The following CDKL4 variants were observed in gnomAD, a reference collection of about 807,000 sequenced individuals.
CDKL4 encodes the protein cyclin-dependent kinase-like 4.
A neutral mutation model predicts 42.0 loss-of-function variants in CDKL4; 44 were observed. The observed-to-expected ratio is 1.05, with a 90% confidence interval of 0.82 to 1.35. The LOEUF is 1.35. CDKL4 is among the 40% of genes most tolerant of loss of function. The pLI is 0.00. For missense variants in CDKL4, 393 were observed against 369.9 expected (o/e 1.06, Z -0.51); for synonymous variants, 120 against 121.6 (o/e 0.99, Z 0.09).
chr2:39,186,288 G>T (rs777646970), intron 7 of CDKL4, among the ~76,000 whole-genome samples: 42 of 152,048 alleles, frequency 2.8e-4, no homozygotes, highest in Non-Finnish European at 2.8e-4. Context: ...AATGAACAGG[G>T]TGTCTAGAGA....
chr2:39,233,983 G>A (rs1340169917), intron 1 of CDKL4, among the ~76,000 whole-genome samples: 9 of 148,018 alleles, frequency 6.1e-5, no homozygotes, highest in African/African-American at 2.3e-4. Context: ...GCACGATCTC[G>A]GCTCACTGCA....
At chr2:39,188,939 A>G (rs1309499222) in intron 6 of CDKL4, among the ~76,000 whole-genome samples, 1 of 152,206 alleles carries the variant, frequency 6.6e-6, no homozygotes, top group Non-Finnish European at 1.5e-5. Flanking sequence ...CCATTGTGCC[A>G]ATGAGGAAAA....
intron 4 of CDKL4, among the ~76,000 whole-genome samples, chr2:39,205,447 C>T (rs1337013958): frequency 6.6e-6 from 1 of 151,898 alleles, no homozygotes; most frequent in African/African-American, 2.4e-5. Flanking sequence ...TCATCCAAAT[C>T]AGGAGACTTC....
At chr2:39,193,406 G>A (rs905097722) in intron 5 of CDKL4, among the ~76,000 whole-genome samples, 4 of 149,744 alleles carry the variant, frequency 2.7e-5, no homozygotes, top group African/African-American at 7.4e-5. Context: ...ATGGAGTTTC[G>A]CTCTTATTGT....
intron 9 of CDKL4, among the ~76,000 whole-genome samples, chr2:39,177,881 G>C (rs1675235004): frequency 6.6e-6 from 1 of 151,966 alleles, no homozygotes; most frequent in Non-Finnish European, 1.5e-5. Context: ...AAGAGATGGG[G>C]TTTTGCCATG....
chr2:39,205,759 CAA>C lies in CDKL4; in HGVS notation c.364-1144_364-1143del, dbSNP rs1167041058. 4.8e-3 allele frequency among the ~76,000 whole-genome samples: 376 copies of C among 78,678 alleles called. 3 individuals are homozygous for C. The highest frequency in any genetic ancestry group is 0.016 in the African/African-American group (347 of 21,120). The allele number at this position is 78,678 out of a possible 152,430, so 51.6% of individuals were successfully genotyped here. A position where few individuals can be genotyped will look rare whatever the true frequency, so the allele number is the denominator to read the frequency against. ...TGGACGACGGAGCGAGACTCCGTCTCAAAAAAAAAAAAAAAAAAAAAGAAAGA... is the reference window on the plus strand; with the variant it reads ...TGGACGACGGAGCGAGACTCCGTCTCAAAAAAAAAAAAAAAAAAAGAAAGA... On this transcript the variant is annotated intron_variant, in intron 4 of 9. Transcript: ENST00000451199.
chr2:39,193,128 TAAAAAAAAAAAAA>T (rs747083150), intron 5 of CDKL4, among the ~76,000 whole-genome samples: 1 of 83,502 alleles, frequency 1.2e-5, no homozygotes, highest in Non-Finnish European at 2.4e-5. Context: ...ACTCCATCTC[TAAAAAAAAAAAAA>T]AAAAAAAAGG....
intron 1 of CDKL4, among the ~76,000 whole-genome samples, chr2:39,241,260 T>C (rs1218645810): frequency 6.6e-6 from 1 of 152,218 alleles, no homozygotes; most frequent in African/African-American, 2.4e-5. Context: ...TTAATATGCA[T>C]GTGTTATATA....
chr2:39,190,560 C>T, intron 5 of CDKL4, 58 bp from the exon 6 acceptor site: 1 of 1,438,534 alleles, frequency 7.0e-7, no homozygotes, highest in South Asian at 1.2e-5. Context: ...GAACTGCTCC[C>T]AAGAACACAT....
At chr2:39,217,811 G>A (rs1328987585) in intron 3 of CDKL4, among the ~76,000 whole-genome samples, 11 of 151,948 alleles carry the variant, frequency 7.2e-5, no homozygotes, top group East Asian at 3.9e-4. Flanking sequence ...TCCGCTCGCC[G>A]CAACCTCCGC....
chr2:39,233,070 AAG>A (rs1558585686), intron 1 of CDKL4, among the ~76,000 whole-genome samples: 8 of 35,024 alleles, frequency 2.3e-4, no homozygotes, highest in Non-Finnish European at 7.0e-4. Flanking sequence ...AAAAGAAAGA[AAG>A]AAAGAAAAAG....
chr2:39,221,010 TTTGTTTTGTTTTTG>T (rs1678318553), intron 3 of CDKL4, among the ~76,000 whole-genome samples: 4 of 67,518 alleles, frequency 5.9e-5, no homozygotes, highest in African/African-American at 1.3e-4. Flanking sequence ...TGTTTTTTTT[TTTGTTTTGTTTTTG>T]TTTTTTGAGA....
chr2:39,187,600 T>C (rs1321405901), intron 7 of CDKL4, 27 bp downstream of exon 7: 1 of 1,479,466 alleles, frequency 6.8e-7, no homozygotes, highest in African/African-American at 1.4e-5. Flanking sequence ...ACACAAGTAA[T>C]AAAATATTCA....
chr2:39,202,182 A>C (rs1330605439), intron 5 of CDKL4, among the ~76,000 whole-genome samples: 1 of 151,952 alleles, frequency 6.6e-6, no homozygotes, highest in Non-Finnish European at 1.5e-5. Flanking sequence ...CGGTGAGCCG[A>C]GATCACACCG....
At chr2:39,177,911 A>T (rs1466228272) in intron 9 of CDKL4, among the ~76,000 whole-genome samples, 1 of 152,022 alleles carries the variant, frequency 6.6e-6, no homozygotes, top group African/African-American at 2.4e-5. Flanking sequence ...CTGGTGTCAA[A>T]CTCCTGACCT....
At chr2:39,229,415 C>T in exon 2 of CDKL4, 1 of 1,612,166 alleles carries the variant, frequency 6.2e-7, no homozygotes, top group Non-Finnish European at 8.5e-7. Context: ...ACAGGATCAT[C>T]TTCAGATTCC....
chr2:39,236,581 A>T (rs1160080715), intron 1 of CDKL4, among the ~76,000 whole-genome samples: 1 of 152,204 alleles, frequency 6.6e-6, no homozygotes, highest in Admixed American at 6.5e-5. Context: ...GGGAACAACA[A>T]TATGCTTAAT....
intron 1 of CDKL4, among the ~76,000 whole-genome samples, chr2:39,233,135 C>T (rs2148400091): frequency 6.6e-6 from 1 of 151,124 alleles, no homozygotes; most frequent in Admixed American, 6.6e-5. Flanking sequence ...CCACTGTAAA[C>T]CTTGGCAGAA....
intron 4 of CDKL4, among the ~76,000 whole-genome samples, chr2:39,212,177 C>T (rs1337278225): frequency 6.6e-6 from 1 of 152,044 alleles, no homozygotes; most frequent in Non-Finnish European, 1.5e-5. Flanking sequence ...AACAAGCCCT[C>T]CTTGTGATTT....
Sources: allele counts gnomAD v4.1 joint callset (sites outside exome capture counted in the v4.1 genomes callset), GRCh38; gene constraint gnomAD v4.1.1; transcripts MANE v1.5; gene names NCBI Gene and HGNC (gene_info 2026-07-23, HGNC 2026-07-21).